Variants in PLEKHA5 observed in about 807,000 individuals in gnomAD.
PLEKHA5 encodes pleckstrin homology domain-containing family A member 5.
A neutral mutation model predicts 181.9 loss-of-function variants in PLEKHA5; 55 were observed. The observed-to-expected ratio is 0.30, with a 90% CI of 0.24 to 0.38. The LOEUF is 0.38. Ranked by LOEUF, PLEKHA5 falls within the 10% of genes least tolerant of loss-of-function variation. PLEKHA5 has a pLI of 1.00. For synonymous variants in PLEKHA5, 535 were observed against 529.4 expected, an observed-to-expected ratio of 1.01 and a Z score of -0.15; for missense variants, 1,432 against 1,549.5, an observed-to-expected ratio of 0.92 and a Z score of 1.27.
intron 15 of PLEKHA5, among the ~76,000 whole-genome samples, chr12:19,298,048 AC>A (rs1346904623): frequency 2.0e-5 from 3 of 152,072 alleles, no homozygotes; most frequent in African/African-American, 7.2e-5. Context: ...TACTAAAAAT[AC>A]AAAAAATTAG....
At chr12:19,281,219 T>TC (rs2076055951) in intron 11 of PLEKHA5, among the ~76,000 whole-genome samples, 1 of 144,244 alleles carries the variant, frequency 6.9e-6, no homozygotes, top group African/African-American at 2.6e-5. Context: ...AGAGTGAGAA[T>TC]CCATCTCAAA....
At chr12:19,249,560 C>T (rs1348359787) in intron 3 of PLEKHA5, among the ~76,000 whole-genome samples, 1 of 152,004 alleles carries the variant, frequency 6.6e-6, no homozygotes, top group Non-Finnish European at 1.5e-5. Flanking sequence ...TAACTGAAAC[C>T]ATAGAAAGCA....
intron 13 of PLEKHA5, among the ~76,000 whole-genome samples, chr12:19,290,067 C>G (rs886743114): frequency 3.3e-5 from 5 of 151,920 alleles, no homozygotes; most frequent in Non-Finnish European, 7.4e-5. Context: ...CTCAGCCTCC[C>G]GAGTAGCTGG....
At chr12:19,170,712 C>T (rs2045699632) in intron 3 of PLEKHA5, among the ~76,000 whole-genome samples, 1 of 152,202 alleles carries the variant, frequency 6.6e-6, no homozygotes, top group African/African-American at 2.4e-5. Flanking sequence ...GCCACCGTGC[C>T]CAGCCTCTCT....
intron 3 of PLEKHA5, among the ~76,000 whole-genome samples, chr12:19,155,048 C>T (rs1286918365): frequency 4.6e-5 from 7 of 152,192 alleles, no homozygotes; most frequent in Middle Eastern, 3.4e-3. Flanking sequence ...GAGTCAGAAA[C>T]GTAGGAAGGA....
Position 19,222,766 on chromosome 12 carries a change from A to G in PLEKHA5, c.228-31174A>G, listed in dbSNP as rs73347012. Among the ~76,000 whole-genome samples, 1,361 of 152,186 alleles carry G rather than the reference A, an allele frequency of 8.9e-3. 20 individuals are homozygous for G. Among genetic ancestry groups the G allele is most frequent in the African/African-American group, 0.028 (1,159 of 41,524 alleles). On this transcript the variant is annotated intron_variant, in intron 3 of 31. Coordinates refer to ENST00000429027, the MANE Select transcript of PLEKHA5 (RefSeq NM_001256470.2). ...TTTGAGAGCTGGGCAGATGCTGTAA[A>G]TATGTGCAGTTGGTGAAGTGTAATA...
chr12:19,335,651 A>G (rs1203580620), intron 20 of PLEKHA5, among the ~76,000 whole-genome samples: 1 of 148,072 alleles, frequency 6.8e-6, no homozygotes, highest in African/African-American at 2.5e-5. Context: ...GGTAGTTTCA[A>G]ACTCCTGACC....
In PLEKHA5 at chr12:19,261,066, T is replaced by A. The variant is rs760542084; in HGVS notation, c.610+45T>A. 3.9e-6 allele frequency: 4 copies of A among 1,036,372 alleles called. No individual in the cohort carries two copies. In the Admixed American group the frequency reaches 5.5e-5, roughly 14 times the overall value. The allele number at this position is 1,036,372 out of a possible 1,614,324, so 64.2% of individuals were successfully genotyped here. A position where few individuals can be genotyped will look rare whatever the true frequency, so the allele number is the denominator to read the frequency against. On this transcript the variant is annotated intron_variant, in intron 7 of 31. Coordinates refer to ENST00000429027, the MANE Select transcript of PLEKHA5 (RefSeq NM_001256470.2). ...TTAGTGTATTATTTTGTAATTGATA[T>A]GTAATATAAGTTAAGTATCAGATAC...
At chr12:19,176,669 G>A (rs1239580082) in intron 3 of PLEKHA5, 1 of 152,062 alleles carries the variant, frequency 6.6e-6, no homozygotes, top group African/African-American at 2.4e-5. Flanking sequence ...TTCCTTGATA[G>A]AAGCTTAGGT....
intron 3 of PLEKHA5, among the ~76,000 whole-genome samples, chr12:19,238,281 A>T (rs1230642675): frequency 6.6e-6 from 1 of 152,062 alleles, no homozygotes. Flanking sequence ...TTTTGTGAAT[A>T]ATATAGTTAG....
chr12:19,306,393 G>A (rs1458679353), intron 15 of PLEKHA5: 5 of 528,282 alleles, frequency 9.5e-6, no homozygotes, highest in South Asian at 7.7e-5. Context: ...CCCCCGCGGC[G>A]TGCAGTGGGG....
chr12:19,297,921 T>C (rs558732040), intron 15 of PLEKHA5, among the ~76,000 whole-genome samples: 1 of 151,832 alleles, frequency 6.6e-6, no homozygotes, highest in African/African-American at 2.4e-5. Flanking sequence ...AAAATCTTTT[T>C]TGGGCTGGGC....
At chr12:19,137,549 G>C (rs1244737849) in intron 3 of PLEKHA5, among the ~76,000 whole-genome samples, 1 of 152,322 alleles carries the variant, frequency 6.6e-6, no homozygotes, top group African/African-American at 2.4e-5. Flanking sequence ...GGAGTTTGTA[G>C]TGTAGAGATA....
At chr12:19,277,841 A>T (rs530505188) in intron 11 of PLEKHA5, among the ~76,000 whole-genome samples, 1 of 152,328 alleles carries the variant, frequency 6.6e-6, no homozygotes, top group East Asian at 1.9e-4. Flanking sequence ...CAAAGCTTTA[A>T]AGTTTCATTC....
chr12:19,272,301 T>C (rs555056704), intron 10 of PLEKHA5, among the ~76,000 whole-genome samples: 68 of 152,358 alleles, frequency 4.5e-4, no homozygotes, highest in African/African-American at 1.6e-3. Context: ...ACAAGTTTTA[T>C]ATTATTTATG....
chr12:19,162,964 A>G (rs1259321588), intron 3 of PLEKHA5, among the ~76,000 whole-genome samples: 3 of 152,146 alleles, frequency 2.0e-5, no homozygotes, highest in African/African-American at 7.2e-5. Context: ...TTATGCAGAG[A>G]AAAAAACCTA....
rs1274509549 is a variant in PLEKHA5, at chr12:19,366,114, G to A, written c.3754+5G>A. The A allele has an allele frequency of 6.2e-7, 1 of 1,602,332 alleles. No homozygotes were observed. The highest frequency in any genetic ancestry group is 1.1e-5 in the South Asian group (1 of 89,000). On this transcript the variant is annotated splice_donor_5th_base_variant and intron_variant, in intron 30 of 31. Transcript: ENST00000429027. ...GAGGAAATCAAACAATGGCAGGTAG[G>A]TAGTATACACTTCATAATTTTCTAC...
intron 15 of PLEKHA5, among the ~76,000 whole-genome samples, chr12:19,293,859 C>T (rs1461982242): frequency 6.6e-6 from 1 of 152,174 alleles, no homozygotes; most frequent in Admixed American, 6.5e-5. Flanking sequence ...TTGAGGTTCA[C>T]ATTCCCATCT....
intron 8 of PLEKHA5, 66 bp from the exon 9 acceptor site, chr12:19,269,704 T>C (rs1024571528): frequency 2.2e-5 from 17 of 774,822 alleles, no homozygotes; most frequent in Non-Finnish European, 2.9e-5. Flanking sequence ...ATCACTTACC[T>C]TTTTTTCTTT....
Sources: gnomAD v4.1 joint callset for allele counts (sites outside exome capture counted in the v4.1 genomes callset) on GRCh38, gnomAD v4.1.1 for gene constraint, MANE v1.5 for transcripts, NCBI Gene and HGNC (gene_info 2026-07-23, HGNC 2026-07-21) for gene names.